Variants in MAST2 observed in about 807,000 individuals in gnomAD.
MAST2 encodes the protein microtubule-associated serine/threonine-protein kinase 2.
MAST2 carries 70 observed loss-of-function variants against 147.4 expected under a neutral mutation model. The ratio of observed to expected loss-of-function variants is 0.47; its 90% CI spans 0.39 to 0.58. The LOEUF (loss-of-function observed/expected upper bound fraction) is 0.58. Among genes scored for constraint, MAST2 ranks in the 20% least tolerant of loss-of-function variants. The pLI is 0.00. For synonymous variants in MAST2, 869 were observed against 896.8 expected, an observed-to-expected ratio of 0.97 and a Z score of 0.55; for missense variants, 2,080 against 2,302.3, an observed-to-expected ratio of 0.90 and a Z score of 1.98.
At chr1:45,940,828 C>G (rs879723999) in intron 4 of MAST2, among the ~76,000 whole-genome samples, 4 of 152,088 alleles carry the variant, frequency 2.6e-5, no homozygotes, top group African/African-American at 4.8e-5. Flanking sequence ...ACCGTGTTAG[C>G]CAGGATGGCC....
intron 2 of MAST2, among the ~76,000 whole-genome samples, chr1:45,827,958 A>G (rs1283769295): frequency 6.6e-6 from 1 of 151,644 alleles, no homozygotes; most frequent in Non-Finnish European, 1.5e-5. Context: ...CAGCCTCCTG[A>G]GTAGCTGGGA....
At chr1:45,980,331 C>A (rs1644357357) in intron 5 of MAST2, among the ~76,000 whole-genome samples, 1 of 145,074 alleles carries the variant, frequency 6.9e-6, no homozygotes, top group South Asian at 2.2e-4. Flanking sequence ...TTAGAGGGGG[C>A]AAGAGTTGAA....
intron 4 of MAST2, among the ~76,000 whole-genome samples, chr1:45,939,194 T>C (rs1190558845): frequency 2.0e-5 from 3 of 152,118 alleles, no homozygotes; most frequent in Non-Finnish European, 4.4e-5. Context: ...TGAGTTAATA[T>C]TTATGTATGG....
intron 8 of MAST2, among the ~76,000 whole-genome samples, chr1:46,007,523 T>C (rs1197707283): frequency 6.6e-6 from 1 of 152,166 alleles, no homozygotes; most frequent in Non-Finnish European, 1.5e-5. Flanking sequence ...TCCTTGGTAA[T>C]GTGCAGCAGT....
At chr1:45,982,726 C>T (rs1644460215) in intron 5 of MAST2, among the ~76,000 whole-genome samples, 1 of 152,182 alleles carries the variant, frequency 6.6e-6, no homozygotes, top group African/African-American at 2.4e-5. Flanking sequence ...TGAGTACTCC[C>T]TGAACTTGCA....
intron 4 of MAST2, among the ~76,000 whole-genome samples, chr1:45,936,961 T>C (rs1205064276): frequency 6.6e-6 from 1 of 152,006 alleles, no homozygotes; most frequent in African/African-American, 2.4e-5. Context: ...CAGGCTGGCC[T>C]CAAACTCCTA....
intron 1 of MAST2, among the ~76,000 whole-genome samples, chr1:45,807,330 T>C (rs1285128780): frequency 6.6e-6 from 1 of 152,210 alleles, no homozygotes; most frequent in Non-Finnish European, 1.5e-5. Context: ...GATCCTTTAT[T>C]GTGCTCTATT....
intron 5 of MAST2, among the ~76,000 whole-genome samples, chr1:45,979,056 T>A (rs750258889): frequency 6.6e-6 from 1 of 151,898 alleles, no homozygotes; most frequent in African/African-American, 2.4e-5. Context: ...AAAACTAGAG[T>A]GTTTAGAGTT....
At chr1:45,893,291 C>A (rs891971532) in intron 4 of MAST2, among the ~76,000 whole-genome samples, 8 of 152,160 alleles carry the variant, frequency 5.3e-5, no homozygotes, top group Non-Finnish European at 7.4e-5. Flanking sequence ...GCCTCAACCT[C>A]CTGGGCTCAA....
intron 5 of MAST2, among the ~76,000 whole-genome samples, chr1:45,966,414 T>C (rs1661201460): frequency 7.0e-6 from 1 of 143,022 alleles, no homozygotes; most frequent in Non-Finnish European, 1.5e-5. Context: ...AGAGTGTATT[T>C]GATTTTGTAA....
chr1:45,840,795 T>C (rs1198683432), intron 3 of MAST2, among the ~76,000 whole-genome samples: 1 of 152,210 alleles, frequency 6.6e-6, no homozygotes, highest in Non-Finnish European at 1.5e-5. Context: ...AGGCTGAATA[T>C]TGCCAAAGCA....
intron 4 of MAST2, among the ~76,000 whole-genome samples, chr1:45,911,976 T>C (rs78009207): frequency 1.3e-5 from 2 of 151,598 alleles, no homozygotes; most frequent in East Asian, 1.9e-4. Flanking sequence ...ACTGCAAGCC[T>C]TAGCTGGGGA....
At position 46,027,357 on chromosome 1, in the gene MAST2, C is replaced by G. The variant is rs559088257; in HGVS notation, c.1920-374C>G. Among the ~76,000 whole-genome samples, 112 of 152,260 alleles carry G rather than the reference C, an allele frequency of 7.4e-4. No homozygotes were observed. The South Asian group carries it at 0.023, about 31-fold the overall frequency. ...TGAAACAGGAGTATTATGGGCCACT[C>G]AGATTGGGAGAGGGGACTAGGAATG... On this transcript the variant is annotated intron_variant, in intron 16 of 28. Coordinates refer to ENST00000361297, the MANE Select transcript of MAST2 (RefSeq NM_015112.3).
rs536934176 is a variant in MAST2 at position 46,023,702 on chromosome 1, G to T, written c.1572-70G>T. The T allele has an allele frequency of 1.0e-5, 15 of 1,436,668 alleles. No individual in the cohort carries two copies. In the East Asian group the frequency reaches 1.4e-4, roughly 14 times the overall value. The allele number at this position is 1,436,668 out of a possible 1,614,324, so 89.0% of individuals were successfully genotyped here. A position where few individuals can be genotyped will look rare whatever the true frequency, so the allele number is the denominator to read the frequency against. On this transcript the variant is annotated intron_variant, in intron 14 of 28. Coordinates refer to ENST00000361297, the MANE Select transcript of MAST2 (RefSeq NM_015112.3). The surrounding 1 kb of genome is among the most constrained non-coding windows in gnomAD (Gnocchi z 4.9). ...ATTAATTAAGGTGTGAGAGAAGGCA[G>T]TTTGGGTGGCAGAGAGCACAGCTCA...
At chr1:45,983,334 C>T (rs1644485811) in intron 5 of MAST2, among the ~76,000 whole-genome samples, 1 of 152,106 alleles carries the variant, frequency 6.6e-6, no homozygotes, top group South Asian at 2.1e-4. Context: ...CAGAAAAAGT[C>T]TTTGACTTAG....
At chr1:45,924,361 G>C (rs549667882) in intron 4 of MAST2, among the ~76,000 whole-genome samples, 1 of 152,256 alleles carries the variant, frequency 6.6e-6, no homozygotes, top group African/African-American at 2.4e-5. Context: ...AATTTATTAA[G>C]CAAATTAGCA....
Position 46,030,669 on chromosome 1 carries a change from G to T in MAST2, c.2616G>T (p.Lys872Asn), listed in dbSNP as rs778084119. 2.5e-6 allele frequency: 4 copies of T among 1,611,616 alleles called. No individual in the cohort carries two copies. The highest frequency in any genetic ancestry group is 4.5e-5 in the East Asian group (2 of 44,832). ...LEERRTPPPT[K>N]RSLSEEKEDH... ...AGCGCCGGACACCACCCCCGACCAA[G>T]CGCAGCCTGAGTGAGGAGAAGGAGG... Residue 872 changes from lysine to asparagine, a missense_variant, in exon 22 of 29, where the codon AAG becomes AAT. Physicochemically the swap from Lys to Asn is moderately conservative, Grantham distance 94. Transcript: ENST00000361297.
intron 3 of MAST2, among the ~76,000 whole-genome samples, chr1:45,842,832 A>G (rs1645319217): frequency 6.6e-6 from 1 of 152,214 alleles, no homozygotes; most frequent in African/African-American, 2.4e-5. Context: ...GAAATACGGT[A>G]ATTCAACTTT....
intron 3 of MAST2, among the ~76,000 whole-genome samples, chr1:45,852,881 C>T (rs533734064): frequency 2.4e-4 from 37 of 152,062 alleles, no homozygotes; most frequent in South Asian, 1.9e-3. Context: ...TTTTTTGAAT[C>T]TGCACCACTG....
Sources: allele counts gnomAD v4.1 joint callset (sites outside exome capture counted in the v4.1 genomes callset), GRCh38; gene constraint gnomAD v4.1.1; non-coding constraint Gnocchi (gnomAD v3.1); transcripts MANE v1.5; gene names NCBI Gene and HGNC (gene_info 2026-07-23, HGNC 2026-07-21).